Variants in NEBL observed in about 807,000 individuals in gnomAD.
NEBL encodes the protein nebulette.
NEBL carries 122 observed loss-of-function variants against 140.2 expected under a neutral mutation model. That is an observed-to-expected ratio of 0.87 (90% confidence interval 0.75 to 1.01). The LOEUF is 1.01. Among genes scored for constraint, NEBL ranks in the 50% least tolerant of loss-of-function variants. NEBL has a pLI of 0.00. For synonymous variants in NEBL, 436 were observed against 398.9 expected (o/e 1.09, Z -1.11); for missense variants, 1,365 against 1,231.3 (o/e 1.11, Z -1.62).
intron 13 of NEBL, among the ~76,000 whole-genome samples, chr10:20,836,615 C>G (rs982211819): frequency 1.3e-5 from 2 of 152,040 alleles, no homozygotes; most frequent in African/African-American, 4.8e-5. Flanking sequence ...GAAGAGCATG[C>G]GCTGGGGTGG....
At chr10:20,955,660 A>C (rs1046694740) in intron 4 of NEBL, among the ~76,000 whole-genome samples, 1 of 152,148 alleles carries the variant, frequency 6.6e-6, no homozygotes, top group Admixed American at 6.5e-5. Context: ...AGGGCCATGG[A>C]AAGTATTTTA....
At chr10:21,216,102 T>C (rs2132240236) in intron 3 of NEBL, among the ~76,000 whole-genome samples, 1 of 152,334 alleles carries the variant, frequency 6.6e-6, no homozygotes, top group East Asian at 1.9e-4. Flanking sequence ...TCCAGTCAAG[T>C]TGCCACGGTA....
intron 3 of NEBL, 34 bp downstream of exon 3, chr10:20,889,808 TAAA>T: frequency 7.9e-7 from 1 of 1,265,300 alleles, no homozygotes; most frequent in African/African-American, 1.5e-5. Context: ...AAGAAAAAGA[TAAA>T]TGCAAGCCAG....
At chr10:21,093,598 G>A (rs1380905658) in intron 2 of NEBL, among the ~76,000 whole-genome samples, 1 of 152,134 alleles carries the variant, frequency 6.6e-6, no homozygotes, top group Non-Finnish European at 1.5e-5. Context: ...ACCAGATGGG[G>A]GTCACAGCAT....
At chr10:21,118,956 T>C (rs1183477395) in intron 2 of NEBL, among the ~76,000 whole-genome samples, 1 of 152,124 alleles carries the variant, frequency 6.6e-6, no homozygotes, top group Non-Finnish European at 1.5e-5. Flanking sequence ...TTCATACACA[T>C]CTTCTCAATC....
chr10:21,105,855 C>T (rs1186872547), intron 2 of NEBL, among the ~76,000 whole-genome samples: 1 of 152,154 alleles, frequency 6.6e-6, no homozygotes, highest in Non-Finnish European at 1.5e-5. Flanking sequence ...TCTGTTGTTT[C>T]CTGACTTTTC....
In NEBL at chr10:21,033,992, C is replaced by T. The variant is rs118187770; in HGVS notation, c.165-13791G>A. On this transcript the variant is annotated intron_variant, in intron 2 of 6. Transcript: ENST00000417816. ...ACCAACCTGGGCAAAATAGCGAAAA[C>T]TCATCTCTACAAAAAAATACAAAAA... Among the ~76,000 whole-genome samples the T allele has an allele frequency of 8.5e-3, 1,291 of 151,128 alleles. 45 individuals are homozygous for T. In the East Asian group the frequency reaches 0.099, roughly 12 times the overall value.
At chr10:20,848,493 A>G (rs368486961) in intron 11 of NEBL, among the ~76,000 whole-genome samples, 27 of 152,294 alleles carry the variant, frequency 1.8e-4, no homozygotes, top group African/African-American at 5.8e-4. Flanking sequence ...AATATCAACC[A>G]TGGCCAGTTA....
intron 2 of NEBL, among the ~76,000 whole-genome samples, chr10:21,039,060 G>GTTGTT (rs1834137866): frequency 2.0e-5 from 2 of 99,406 alleles, no homozygotes. Flanking sequence ...TGATGGGGCT[G>GTTGTT]TTTTTTTTTT....
intron 4 of NEBL, among the ~76,000 whole-genome samples, chr10:20,919,803 C>A (rs1379695822): frequency 6.6e-6 from 1 of 152,030 alleles, no homozygotes; most frequent in Non-Finnish European, 1.5e-5. Context: ...GGAAAAATAA[C>A]AACTACATAA....
intron 2 of NEBL, among the ~76,000 whole-genome samples, chr10:21,127,024 T>C (rs1362528602): frequency 7.5e-6 from 1 of 132,768 alleles, no homozygotes; most frequent in Non-Finnish European, 1.7e-5. Context: ...TGGGACAATA[T>C]GAATATCAAA....
intron 18 of NEBL, among the ~76,000 whole-genome samples, chr10:20,824,657 A>T (rs1027555583): frequency 1.3e-5 from 2 of 152,202 alleles, no homozygotes; most frequent in Non-Finnish European, 2.9e-5. Context: ...TCATGCAGAT[A>T]CAGAACTATG....
chr10:21,029,425 G>A lies in NEBL; in HGVS notation c.165-9224C>T, dbSNP rs1833685643. 3.7e-6 allele frequency: 6 copies of A among 1,611,322 alleles called. No individual in the cohort carries two copies. The Admixed American group carries it at 8.3e-5, about 22-fold the overall frequency. On this transcript the variant is annotated intron_variant, in intron 2 of 6. Coordinates refer to the NEBL transcript ENST00000417816. ...GAGGTTGAAAGGTTTTGGTTATGCTGAATTTGAGGACCTGGATTCCCTGCT... is the reference window on the plus strand; with the variant it reads ...GAGGTTGAAAGGTTTTGGTTATGCTAAATTTGAGGACCTGGATTCCCTGCT...
At chr10:20,799,016 G>A (rs117305326) in intron 26 of NEBL, among the ~76,000 whole-genome samples, 155 of 152,160 alleles carry the variant, frequency 1.0e-3, no homozygotes, top group Non-Finnish European at 1.7e-3. Flanking sequence ...GAATACTTGC[G>A]AACAATGTAC....
At chr10:20,949,217 G>A (rs1487594703) in intron 4 of NEBL, among the ~76,000 whole-genome samples, 1 of 152,100 alleles carries the variant, frequency 6.6e-6, no homozygotes, top group Non-Finnish European at 1.5e-5. Context: ...AACACTGCAT[G>A]TTCTCATTCC....
At chr10:20,979,457 T>G (rs1325971958) in intron 3 of NEBL, among the ~76,000 whole-genome samples, 3 of 152,230 alleles carry the variant, frequency 2.0e-5, no homozygotes, top group Non-Finnish European at 4.4e-5. Context: ...TTGTCTATAC[T>G]ATTTTTATTT....
At chr10:21,053,539 G>T (rs1191958695) in intron 2 of NEBL, among the ~76,000 whole-genome samples, 2 of 152,122 alleles carry the variant, frequency 1.3e-5, no homozygotes, top group African/African-American at 4.8e-5. Flanking sequence ...AGATAATAAA[G>T]CTGTTTTCAT....
At chr10:21,087,941 C>T (rs563774026) in intron 2 of NEBL, among the ~76,000 whole-genome samples, 4 of 152,170 alleles carry the variant, frequency 2.6e-5, no homozygotes, top group East Asian at 3.8e-4. Flanking sequence ...CTGAATCTGA[C>T]GATTTGCAAT....
chr10:20,868,230 A>G (rs925078793), intron 7 of NEBL: 1 of 155,436 alleles, frequency 6.4e-6, no homozygotes, highest in Non-Finnish European at 1.4e-5. Flanking sequence ...CTTCATTTTC[A>G]TCTCCCTTTT....
Sources: allele counts gnomAD v4.1 joint callset (sites outside exome capture counted in the v4.1 genomes callset), GRCh38; gene constraint gnomAD v4.1.1; transcripts MANE v1.5; gene names NCBI Gene and HGNC (gene_info 2026-07-23, HGNC 2026-07-21).